Variants in FBXO7 observed in about 807,000 individuals in gnomAD.
FBXO7 encodes F-box only protein 7.
FBXO7 carries 31 observed loss-of-function variants against 50.2 expected under a neutral mutation model. The observed-to-expected ratio is 0.62, with a 90% CI of 0.46 to 0.83. The LOEUF (loss-of-function observed/expected upper bound fraction) is 0.83. Among genes scored for constraint, FBXO7 ranks in the 40% least tolerant of loss-of-function variants. The pLI, the probability that FBXO7 is intolerant of heterozygous loss-of-function variation, is 0.00. For synonymous variants in FBXO7, 256 were observed against 253.1 expected (o/e 1.01, Z -0.11); for missense variants, 667 against 646.6 (o/e 1.03, Z -0.34).
At position 32,486,986 on chromosome 22, in the gene FBXO7, A is replaced by G. The variant is rs907712041; in HGVS notation, c.788-759A>G. 8.5e-5 allele frequency among the ~76,000 whole-genome samples: 13 copies of G among 152,324 alleles called. No individual in the cohort carries two copies. In the South Asian group the frequency reaches 1.0e-3, roughly 12 times the overall value. On this transcript the variant is annotated intron_variant, in intron 4 of 8. Transcript: ENST00000266087. ...ATGACGTGTATAATAACCTCTATTC[A>G]CTAGATTCAGGATACTTAATATAAA...
chr22:32,478,508 C>T (rs2057442915), intron 1 of FBXO7, among the ~76,000 whole-genome samples: 1 of 152,056 alleles, frequency 6.6e-6, no homozygotes, highest in African/African-American at 2.4e-5. Flanking sequence ...AGAGTTTTAG[C>T]CATTAGAAAT....
intron 2 of FBXO7, among the ~76,000 whole-genome samples, chr22:32,480,009 G>C (rs1424368210): frequency 6.6e-6 from 1 of 152,206 alleles, no homozygotes; most frequent in African/African-American, 2.4e-5. Context: ...TGTGTGCTCA[G>C]TTCCCTTCTT....
At chr22:32,497,654 G>T (rs886940585) in intron 8 of FBXO7, among the ~76,000 whole-genome samples, 1 of 152,182 alleles carries the variant, frequency 6.6e-6, no homozygotes, top group Non-Finnish European at 1.5e-5. Context: ...TTTACTGTGG[G>T]TAAAATGCCA....
chr22:32,479,634 A>T (rs1274540183), intron 2 of FBXO7, among the ~76,000 whole-genome samples: 1 of 152,034 alleles, frequency 6.6e-6, no homozygotes, highest in East Asian at 1.9e-4. Context: ...TGACCTCGTG[A>T]TCTGCCCTCC....
intron 1 of FBXO7, among the ~76,000 whole-genome samples, chr22:32,476,955 A>G (rs2057433035): frequency 6.6e-6 from 1 of 152,232 alleles, no homozygotes; most frequent in Non-Finnish European, 1.5e-5. Flanking sequence ...CCTTTTCTGC[A>G]AACAGATACT....
At chr22:32,487,564 G>T in intron 4 of FBXO7, 181 bp from the exon 5 acceptor site, 1 of 564,352 alleles carries the variant, frequency 1.8e-6, no homozygotes, top group Non-Finnish European at 3.2e-6. Context: ...TTTACTTCAT[G>T]TGATGCCAGG....
chr22:32,497,081 T>C lies in FBXO7; in HGVS notation c.1183-1063T>C, dbSNP rs1282669001. Among the ~76,000 whole-genome samples, 3 of 152,194 alleles carry C rather than the reference T, an allele frequency of 2.0e-5. No homozygotes were observed. In the East Asian group the frequency reaches 5.8e-4, roughly 29 times the overall value. ...AGTGGAGCCTGAAGATGGGACTGAA[T>C]TGCTGCAGTCTCACAGTCAAACTTG... On this transcript the variant is annotated intron_variant, in intron 8 of 8. Transcript: ENST00000266087.
intron 2 of FBXO7, among the ~76,000 whole-genome samples, chr22:32,483,617 A>G (rs990357600): frequency 1.3e-5 from 2 of 152,184 alleles, no homozygotes; most frequent in Non-Finnish European, 2.9e-5. Context: ...GGAACTTTGA[A>G]GACTGATCAG....
chr22:32,492,889 G>A (rs1282019172), intron 6 of FBXO7: 2 of 587,254 alleles, frequency 3.4e-6, no homozygotes, highest in African/African-American at 3.7e-5. Context: ...AAACATAAAG[G>A]GAATAAGGGC....
intron 2 of FBXO7, among the ~76,000 whole-genome samples, chr22:32,480,645 C>T (rs1406790075): frequency 6.6e-6 from 1 of 151,856 alleles, no homozygotes; most frequent in Non-Finnish European, 1.5e-5. Flanking sequence ...ATCTTTATTG[C>T]CTTGTACATG....
Position 32,498,702 on chromosome 22 carries a change from A to G in FBXO7, c.*172A>G. 5 of 748,502 alleles carry G rather than the reference A, an allele frequency of 6.7e-6. No individual in the cohort carries two copies. The highest frequency in any genetic ancestry group is 1.1e-5 in the Non-Finnish European group (5 of 461,538). The allele number at this position is 748,502 out of a possible 1,614,324, so 46.4% of individuals were successfully genotyped here. On this transcript the variant is annotated 3_prime_UTR_variant, in exon 9 of 9. Coordinates refer to ENST00000266087, the MANE Select transcript of FBXO7 (RefSeq NM_012179.4). ...ATAGCCCTAGGGGTGGTATGACCCAAAGGTTCCTCTGTGACAAGGTTGGCC... is the reference window on the plus strand; with the variant it reads ...ATAGCCCTAGGGGTGGTATGACCCAGAGGTTCCTCTGTGACAAGGTTGGCC...
chr22:32,494,933 A>G (rs765281944), intron 7 of FBXO7, among the ~76,000 whole-genome samples: 6 of 152,198 alleles, frequency 3.9e-5, no homozygotes, highest in Non-Finnish European at 7.3e-5. Context: ...CTCATTTCAC[A>G]TATTTCAAAT....
Position 32,479,240 on chromosome 22 carries a change from G to T in FBXO7, c.382G>T (p.Ala128Ser). The T allele has an allele frequency of 6.2e-7, 1 of 1,614,070 alleles. No individual in the cohort carries two copies. The highest frequency in any genetic ancestry group is 1.1e-5 in the South Asian group (1 of 91,078). The change falls in exon 2 of 9, where the codon GCA becomes TCA. Residue 128 changes from alanine to serine, a missense_variant. Ala to Ser is a moderately conservative substitution (Grantham distance 99). Transcript: ENST00000266087. ...EQPSDSFQGQ[A>S]AQSGVWNDDS... ...ACCAAGTGATTCATTCCAAGGACAG[G>T]CAGCCCAGTCTGGTGTTTGGAATGA...
chr22:32,475,512 A>G, intron 1 of FBXO7: 3 of 1,295,054 alleles, frequency 2.3e-6, no homozygotes, highest in Non-Finnish European at 3.2e-6. Flanking sequence ...CTTGGGTTAA[A>G]CCTTTCTGGA....
At chr22:32,486,821 A>G (rs3788448) in intron 4 of FBXO7, among the ~76,000 whole-genome samples, 61,666 of 152,044 alleles carry the variant, frequency 0.41, 13,078 homozygotes, top group East Asian at 0.69. Context: ...TTACTTTGGC[A>G]TTCTTGTACA....
chr22:32,475,969 C>T (rs1320969159), intron 1 of FBXO7: 2 of 152,128 alleles, frequency 1.3e-5, no homozygotes, highest in Non-Finnish European at 2.9e-5. Flanking sequence ...TAAGAGTGGT[C>T]CTCTTCAAAT....
rs763131353 is a variant in FBXO7, at chr22:32,487,796, T to TA, written c.840dup (p.Pro281ThrfsTer29). 1 of 1,607,218 alleles carries TA rather than the reference T, an allele frequency of 6.2e-7. No individual in the cohort carries two copies. The highest frequency in any genetic ancestry group is 1.7e-5 in the Admixed American group (1 of 59,964). On this transcript the variant is annotated frameshift_variant, in exon 5 of 9. Transcript: ENST00000266087. LOFTEE classifies it high-confidence loss of function. ...AGAAGTGTGAAAAGATTGCAGCTGC[T>TA]ACCAGAATCTTTTATTTGCAAAGAG... is the stretch of plus-strand genomic sequence containing the variant.
chr22:32,491,246 T>C, intron 6 of FBXO7, 65 bp downstream of exon 6: 1 of 1,211,498 alleles, frequency 8.3e-7, no homozygotes, highest in South Asian at 1.2e-5. Context: ...CTTAATATTC[T>C]TGGTGAGTAT....
intron 1 of FBXO7, 102 bp downstream of exon 1, chr22:32,475,226 G>A: frequency 1.3e-6 from 2 of 1,515,218 alleles, no homozygotes; most frequent in Non-Finnish European, 1.8e-6. Flanking sequence ...CGCGGGCGTG[G>A]CCGGGCGATA....
Sources: gnomAD v4.1 joint callset for allele counts (sites outside exome capture counted in the v4.1 genomes callset) on GRCh38, gnomAD v4.1.1 for gene constraint, MANE v1.5 for transcripts, NCBI Gene and HGNC (gene_info 2026-07-23, HGNC 2026-07-21) for gene names.